Variants in DAB1 observed in about 807,000 individuals in gnomAD.
The protein encoded by DAB1 is disabled homolog 1.
In DAB1, 15 loss-of-function variants were observed where a neutral mutation model predicts 64.6. The ratio of observed to expected loss-of-function variants is 0.23; its 90% CI spans 0.16 to 0.36. DAB1 has a LOEUF of 0.36. DAB1 is among the 10% of genes least tolerant of loss of function. DAB1 has a pLI of 1.00. For synonymous variants in DAB1, 235 were observed against 251.9 expected (o/e 0.93, Z 0.64); for missense variants, 596 against 706.7 (o/e 0.84, Z 1.78).
chr1:57,648,271 T>C (rs958195810), intron 7 of DAB1, among the ~76,000 whole-genome samples: 2 of 152,102 alleles, frequency 1.3e-5, no homozygotes, highest in African/African-American at 4.8e-5. Flanking sequence ...AACCTGGCCA[T>C]GCTATGGTGG....
chr1:57,393,623 G>A (rs1160229114), intron 1 of DAB1, among the ~76,000 whole-genome samples: 4 of 152,154 alleles, frequency 2.6e-5, no homozygotes, highest in South Asian at 2.1e-4. Flanking sequence ...AGCCATGATC[G>A]TATTACAGCC....
chr1:58,265,925 ACTC>A (rs967396696), intron 4 of DAB1, among the ~76,000 whole-genome samples: 3 of 152,154 alleles, frequency 2.0e-5, no homozygotes, highest in Admixed American at 6.5e-5. Context: ...TCCAGGAGGT[ACTC>A]ATCAGCCACA....
chr1:57,141,831 G>A (rs1321531879), intron 3 of DAB1, among the ~76,000 whole-genome samples: 1 of 152,182 alleles, frequency 6.6e-6, no homozygotes, highest in African/African-American at 2.4e-5. Flanking sequence ...TTAAGATCTA[G>A]TTTGGGAACC....
intron 2 of DAB1, among the ~76,000 whole-genome samples, chr1:57,239,793 C>G (rs759166343): frequency 6.6e-6 from 1 of 152,176 alleles, no homozygotes; most frequent in South Asian, 2.1e-4. Context: ...CAGATAAATT[C>G]TCTCTTTTCT....
At chr1:57,554,864 T>C (rs1211170158) in intron 7 of DAB1, among the ~76,000 whole-genome samples, 1 of 152,092 alleles carries the variant, frequency 6.6e-6, no homozygotes, top group Non-Finnish European at 1.5e-5. Flanking sequence ...AATATTACAA[T>C]GTAGAAAGTC....
intron 5 of DAB1, among the ~76,000 whole-genome samples, chr1:57,923,319 A>T (rs915105945): frequency 2.0e-5 from 3 of 152,240 alleles, no homozygotes; most frequent in African/African-American, 7.2e-5. Flanking sequence ...TTATCTAAAC[A>T]GATTGGCCAT....
At chr1:58,306,989 T>C (rs1306415876) in intron 4 of DAB1, among the ~76,000 whole-genome samples, 2 of 152,104 alleles carry the variant, frequency 1.3e-5, no homozygotes, top group Non-Finnish European at 2.9e-5. Context: ...GAAGACTGAG[T>C]TTCAAAGAAC....
At chr1:57,856,041 TAGG>T (rs997731469) in intron 1 of DAB1, among the ~76,000 whole-genome samples, 1 of 152,124 alleles carries the variant, frequency 6.6e-6, no homozygotes, top group African/African-American at 2.4e-5. Context: ...GAAAGAAACA[TAGG>T]AGTAGAGAAT....
chr1:57,148,856 T>C (rs1223891881), intron 2 of DAB1, among the ~76,000 whole-genome samples: 2 of 152,182 alleles, frequency 1.3e-5, no homozygotes, highest in African/African-American at 4.8e-5. Flanking sequence ...GAGATACAAC[T>C]CACATACTGT....
chr1:58,488,865 G>A (rs1354841095), intron 3 of DAB1, among the ~76,000 whole-genome samples: 2 of 152,190 alleles, frequency 1.3e-5, no homozygotes, highest in African/African-American at 4.8e-5. Flanking sequence ...ACTTATCAGT[G>A]AGAACATAAC....
chr1:57,025,204 T>C (rs1468323190), intron 10 of DAB1, among the ~76,000 whole-genome samples: 2 of 152,138 alleles, frequency 1.3e-5, no homozygotes, highest in African/African-American at 4.8e-5. Context: ...ATCTCGGCTC[T>C]TTTCTTTGCA....
chr1:58,304,062 T>C (rs544586873), intron 4 of DAB1, among the ~76,000 whole-genome samples: 2 of 152,164 alleles, frequency 1.3e-5, no homozygotes, highest in African/African-American at 4.8e-5. Context: ...CCAGGGTGAG[T>C]AGCAATGCAT....
chr1:57,662,396 A>G (rs1479297075), intron 6 of DAB1, among the ~76,000 whole-genome samples: 1 of 151,902 alleles, frequency 6.6e-6, no homozygotes, highest in Non-Finnish European at 1.5e-5. Context: ...GGGTTTCTCC[A>G]TGTTGGTCAG....
chr1:57,193,381 G>GGTTTT (rs1664318095), intron 2 of DAB1, among the ~76,000 whole-genome samples: 1 of 83,060 alleles, frequency 1.2e-5, no homozygotes, highest in Admixed American at 1.9e-4. Context: ...CGTAGCATAT[G>GGTTTT]TTTTTTTTTT....
intron 7 of DAB1, among the ~76,000 whole-genome samples, chr1:57,543,723 G>A (rs557350837): frequency 2.6e-5 from 4 of 152,220 alleles, no homozygotes; most frequent in South Asian, 2.1e-4. Context: ...TGGCATTGCC[G>A]AGCAGAGAAA....
chr1:58,087,796 G>A (rs1319703152), intron 5 of DAB1, among the ~76,000 whole-genome samples: 2 of 152,204 alleles, frequency 1.3e-5, no homozygotes, highest in African/African-American at 4.8e-5. Context: ...CCTACGTAAC[G>A]ACATCTATGG....
chr1:57,743,672 C>T (rs1347634040), intron 6 of DAB1, among the ~76,000 whole-genome samples: 1 of 152,162 alleles, frequency 6.6e-6, no homozygotes, highest in African/African-American at 2.4e-5. Flanking sequence ...CTTCACCTGA[C>T]TCTGCCGAGA....
intron 2 of DAB1, among the ~76,000 whole-genome samples, chr1:57,263,148 C>G (rs939977321): frequency 4.7e-5 from 7 of 150,520 alleles, no homozygotes; most frequent in African/African-American, 1.7e-4. Flanking sequence ...CGGAGTCTCG[C>G]TCTGTTGCCC....
intron 4 of DAB1, among the ~76,000 whole-genome samples, chr1:58,238,447 G>A (rs1038832269): frequency 2.0e-5 from 3 of 152,150 alleles, no homozygotes; most frequent in African/African-American, 7.2e-5. Flanking sequence ...GTGACTTCCA[G>A]GTAGTTCAGA....
Sources: allele counts gnomAD v4.1 joint callset (sites outside exome capture counted in the v4.1 genomes callset), GRCh38; gene constraint gnomAD v4.1.1; transcripts MANE v1.5; gene names NCBI Gene and HGNC (gene_info 2026-07-23, HGNC 2026-07-21).